MGRN1: variants seen among roughly 807,000 people sequenced by gnomAD.
MGRN1 encodes the protein E3 ubiquitin-protein ligase MGRN1.
In MGRN1, 29 loss-of-function variants were observed where a neutral mutation model predicts 69.2. The ratio of observed to expected loss-of-function variants is 0.42; its 90% CI spans 0.31 to 0.57. The LOEUF (loss-of-function observed/expected upper bound fraction) is 0.57. MGRN1 is among the 20% of genes least tolerant of loss of function. The probability of loss-of-function intolerance (pLI) is 0.15; values close to 1 mark genes in which losing one functional copy is unlikely to be tolerated. For missense variants in MGRN1, 998 were observed against 796.2 expected (o/e 1.25, Z -3.05); for synonymous variants, 470 against 344.2 (o/e 1.37, Z -4.04).
rs2078987009 is a variant in MGRN1 at position 4,673,491 on chromosome 16, C to G, written c.796-7C>G. On this transcript the variant is annotated splice_region_variant and splice_polypyrimidine_tract_variant and intron_variant, in intron 9 of 16. Transcript: ENST00000262370. Reference sequence around the variant, plus strand: ...GGCTGCTGACCCACAAGCCCTTGTCCCGGCAGCCCTCGGACGACGAGAACA... The same window carrying G: ...GGCTGCTGACCCACAAGCCCTTGTCGCGGCAGCCCTCGGACGACGAGAACA... 6.2e-7 allele frequency: 1 copy of G among 1,610,906 alleles called. No homozygotes were observed. The highest frequency in any genetic ancestry group is 1.3e-5 in the African/African-American group (1 of 74,906).
intron 16 of MGRN1, among the ~76,000 whole-genome samples, chr16:4,685,198 A>G: frequency 6.6e-6 from 1 of 152,190 alleles, no homozygotes; most frequent in Non-Finnish European, 1.5e-5. Context: ...CATTCTGATT[A>G]AAAACTTGGG....
chr16:4,656,042 A>C (rs2078530521), intron 4 of MGRN1, among the ~76,000 whole-genome samples: 1 of 152,088 alleles, frequency 6.6e-6, no homozygotes, highest in Admixed American at 6.5e-5. Context: ...CCCACGCCCC[A>C]TCCCATTTCT....
At chr16:4,653,429 C>T (rs1195726372) in intron 4 of MGRN1, among the ~76,000 whole-genome samples, 2 of 152,222 alleles carry the variant, frequency 1.3e-5, no homozygotes, top group African/African-American at 4.8e-5. Flanking sequence ...TCTCCAGCCC[C>T]TGTCCCCTCC....
Position 4,689,532 on chromosome 16 carries a change from AGT to A in MGRN1, c.*627_*628del, listed in dbSNP as rs1289965468. Reference sequence around the variant, plus strand: ...CATGGGTGCCGCCCTGGGCAGCTAGAGTGTCTCAGCCCGGTGCTGGGCCTGGC... The same window carrying A: ...CATGGGTGCCGCCCTGGGCAGCTAGAGTCTCAGCCCGGTGCTGGGCCTGGC... On this transcript the variant is annotated 3_prime_UTR_variant, in exon 17 of 17. Coordinates refer to ENST00000262370, the MANE Select transcript of MGRN1 (RefSeq NM_015246.4). 6.6e-6 allele frequency: 1 copy of A among 152,470 alleles called. No individual in the cohort carries two copies. Among genetic ancestry groups the A allele is most frequent in the Non-Finnish European group, 1.5e-5 (1 of 68,142 alleles). 9.4% of individuals were successfully genotyped at this position (152,470 alleles called of 1,614,324 possible). A position where few individuals can be genotyped will look rare whatever the true frequency, so the allele number is the denominator to read the frequency against.
chr16:4,668,328 A>T lies in MGRN1; in HGVS notation c.726+16A>T. ...GAAGCAAATTGTAAGTCATCAGAGG[A>T]AATATGACGTGCTTGAATTAAAAGA... On this transcript the variant is annotated intron_variant, in intron 8 of 16. Coordinates refer to ENST00000262370, the MANE Select transcript of MGRN1 (RefSeq NM_015246.4). 6.2e-7 allele frequency: 1 copy of T among 1,613,336 alleles called. No individual in the cohort carries two copies. Among genetic ancestry groups the T allele is most frequent in the Non-Finnish European group, 8.5e-7 (1 of 1,179,498 alleles).
At chr16:4,625,814 C>G (rs190542684) in intron 1 of MGRN1, among the ~76,000 whole-genome samples, 2 of 152,326 alleles carry the variant, frequency 1.3e-5, no homozygotes, top group East Asian at 1.9e-4. Flanking sequence ...CCAAGTCTCA[C>G]CCTCCATCTC....
chr16:4,671,383 C>T lies in MGRN1; in HGVS notation c.727-8C>T. On this transcript the variant is annotated splice_region_variant and splice_polypyrimidine_tract_variant and intron_variant, in intron 8 of 16. Transcript: ENST00000262370. ...CGAGGGCCCAGTGAGCCCCTCTCTGCTCTCCAGGTGGACCGGGTCAGCTAC... is the reference window on the plus strand; with the variant it reads ...CGAGGGCCCAGTGAGCCCCTCTCTGTTCTCCAGGTGGACCGGGTCAGCTAC... 1 of 1,614,040 alleles carries T rather than the reference C, an allele frequency of 6.2e-7. No individual in the cohort carries two copies.
intron 5 of MGRN1, among the ~76,000 whole-genome samples, chr16:4,661,811 CTTG>C (rs2078688480): frequency 6.6e-6 from 1 of 152,242 alleles, no homozygotes; most frequent in African/African-American, 2.4e-5. Flanking sequence ...TCCGTGTGGA[CTTG>C]GTCTCCAGGC....
Position 4,657,444 on chromosome 16 carries a change from C to A in MGRN1, c.561+81C>A, listed in dbSNP as rs1051291022. 11 of 1,360,604 alleles carry A rather than the reference C, an allele frequency of 8.1e-6. No individual in the cohort carries two copies. The South Asian group carries it at 1.3e-4, about 16-fold the overall frequency. 84.3% of individuals were successfully genotyped at this position (1,360,604 alleles called of 1,614,324 possible). On this transcript the variant is annotated intron_variant, in intron 5 of 16. Transcript: ENST00000262370. ...GGGGGTGGGGCCAGCACAGTGGGGT[C>A]TGTGTGTTTGGCTTCCTCCAGGGTT...
chr16:4,668,106 C>A (rs1460560869), intron 7 of MGRN1, among the ~76,000 whole-genome samples, 159 bp from the exon 8 acceptor site: 5 of 150,896 alleles, frequency 3.3e-5, no homozygotes, highest in African/African-American at 1.2e-4. Flanking sequence ...GGCTCTTTCG[C>A]TGTCAAGTGG....
chr16:4,635,345 A>T (rs975755118), intron 1 of MGRN1, among the ~76,000 whole-genome samples: 1 of 152,128 alleles, frequency 6.6e-6, no homozygotes, highest in African/African-American at 2.4e-5. Flanking sequence ...TGAAACCAGG[A>T]GGTGGAGTTC....
At chr16:4,628,545 C>T (rs1158123675) in intron 1 of MGRN1, among the ~76,000 whole-genome samples, 1 of 152,020 alleles carries the variant, frequency 6.6e-6, no homozygotes, top group East Asian at 1.9e-4. Flanking sequence ...CATCAGCGAT[C>T]TGCTTTCTTT....
In MGRN1 at chr16:4,689,120, A is replaced by T. The variant is rs1596325464; in HGVS notation, c.*212A>T. On this transcript the variant is annotated 3_prime_UTR_variant, in exon 17 of 17. Coordinates refer to ENST00000262370, the MANE Select transcript of MGRN1 (RefSeq NM_015246.4). ...AGTTGATATATTTGTAACTGGTACA[A>T]GATGAAGGACAGCAGCTTTCCATCC... 6 of 619,848 alleles carry T rather than the reference A, an allele frequency of 9.7e-6. No individual in the cohort carries two copies. In the Admixed American group the frequency reaches 1.0e-4, roughly 11 times the overall value. 38.4% of individuals were successfully genotyped at this position (619,848 alleles called of 1,614,324 possible). A position where few individuals can be genotyped will look rare whatever the true frequency, so the allele number is the denominator to read the frequency against.
In MGRN1 at chr16:4,688,970, C is replaced by G. The variant is rs1460644248; in HGVS notation, c.*62C>G. Reference sequence around the variant, plus strand: ...CCCCAGACTTTGCCGAGGGGCTGCTCCGGACCCCGTTGTGAGCCGGCCTCC... The same window carrying G: ...CCCCAGACTTTGCCGAGGGGCTGCTGCGGACCCCGTTGTGAGCCGGCCTCC... On this transcript the variant is annotated 3_prime_UTR_variant, in exon 17 of 17. Coordinates refer to ENST00000262370, the MANE Select transcript of MGRN1 (RefSeq NM_015246.4). 16 of 1,481,188 alleles carry G rather than the reference C, an allele frequency of 1.1e-5. No individual in the cohort carries two copies. The highest frequency in any genetic ancestry group is 1.4e-5 in the Non-Finnish European group (16 of 1,109,098). 91.8% of individuals were successfully genotyped at this position (1,481,188 alleles called of 1,614,324 possible).
chr16:4,678,518 CAG>C (rs1567231304), intron 11 of MGRN1, among the ~76,000 whole-genome samples: 1 of 147,322 alleles, frequency 6.8e-6, no homozygotes, highest in Non-Finnish European at 1.5e-5. Context: ...TAGGAAGAGA[CAG>C]ACAGATGTGG....
rs1039197217 is a variant in MGRN1 at position 4,624,893 on chromosome 16, T to G, written c.-68T>G. 1.4e-6 allele frequency: 2 copies of G among 1,380,714 alleles called. No homozygotes were observed. Among genetic ancestry groups the G allele is most frequent in the East Asian group, 6.4e-5 (2 of 31,454 alleles). The allele number at this position is 1,380,714 out of a possible 1,614,324, so 85.5% of individuals were successfully genotyped here. On this transcript the variant is annotated 5_prime_UTR_variant, in exon 1 of 17. It removes the in-frame stop codon of an upstream open reading frame in the 5' UTR. Coordinates refer to ENST00000262370, the MANE Select transcript of MGRN1 (RefSeq NM_015246.4). ...CGGCCTGGTCCGGGCCATGTCCGCGTGAGGACCCCGCCGCTGTCGCCGCTC... is the reference window on the plus strand; with the variant it reads ...CGGCCTGGTCCGGGCCATGTCCGCGGGAGGACCCCGCCGCTGTCGCCGCTC...
At chr16:4,634,653 G>C (rs184465720) in intron 1 of MGRN1, 1 of 152,750 alleles carries the variant, frequency 6.5e-6, no homozygotes, top group African/African-American at 2.4e-5. Context: ...TTGTGGAGAA[G>C]CTGACCTGGA....
rs912176137 is a variant in MGRN1 at position 4,624,885 on chromosome 16, T to C, written c.-76T>C. 3.8e-6 allele frequency: 5 copies of C among 1,313,198 alleles called. No individual in the cohort carries two copies. The highest frequency in any genetic ancestry group is 2.7e-5 in the Admixed American group (1 of 37,466). 81.3% of individuals were successfully genotyped at this position (1,313,198 alleles called of 1,614,324 possible). On this transcript the variant is annotated 5_prime_UTR_variant, in exon 1 of 17. The change abolishes an upstream ATG in the 5' untranslated region. Transcript: ENST00000262370. Reference sequence around the variant, plus strand: ...CGTCCGTGCGGCCTGGTCCGGGCCATGTCCGCGTGAGGACCCCGCCGCTGT... The same window carrying C: ...CGTCCGTGCGGCCTGGTCCGGGCCACGTCCGCGTGAGGACCCCGCCGCTGT...
intron 1 of MGRN1, among the ~76,000 whole-genome samples, chr16:4,646,644 C>T (rs536598360): frequency 1.5e-4 from 23 of 152,318 alleles, no homozygotes; most frequent in Non-Finnish European, 2.8e-4. Flanking sequence ...CATTTTCATG[C>T]AGTCTCTGTG....
Sources: allele counts gnomAD v4.1 joint callset (sites outside exome capture counted in the v4.1 genomes callset), GRCh38; gene constraint gnomAD v4.1.1; transcripts MANE v1.5; gene names NCBI Gene and HGNC (gene_info 2026-07-23, HGNC 2026-07-21).